Variants in AP4S1 observed in about 807,000 individuals in gnomAD.
AP4S1 encodes adaptor related protein complex 4 subunit sigma 1.
A neutral mutation model predicts 19.8 loss-of-function variants in AP4S1; 23 were observed. That is an observed-to-expected ratio of 1.16 (90% CI 0.84 to 1.65). The LOEUF (loss-of-function observed/expected upper bound fraction) is 1.65. Ranked by LOEUF, AP4S1 falls within the 40% of genes most tolerant of loss-of-function variation. The probability of loss-of-function intolerance (pLI) is 0.00; values close to 1 mark genes in which losing one functional copy is unlikely to be tolerated. For missense variants in AP4S1, 166 were observed against 172.8 expected (o/e 0.96, Z 0.22); for synonymous variants, 46 against 54.1 (o/e 0.85, Z 0.66).
intron 1 of AP4S1, among the ~76,000 whole-genome samples, chr14:31,059,013 TTGA>T (rs1886287331): frequency 6.6e-6 from 1 of 152,298 alleles, no homozygotes; most frequent in African/African-American, 2.4e-5. Flanking sequence ...TCCCTCCTCC[TTGA>T]TGATTAATAA....
chr14:31,026,345 T>A, intron 1 of AP4S1: 1 of 450,778 alleles, frequency 2.2e-6, no homozygotes, highest in Non-Finnish European at 3.2e-6. Context: ...AGCAGGGAGC[T>A]GCCGGCTGCC....
At chr14:31,034,609 A>ATT (rs5807612) in intron 1 of AP4S1, among the ~76,000 whole-genome samples, 170 of 103,914 alleles carry the variant, frequency 1.6e-3, no homozygotes, top group East Asian at 7.2e-3. Flanking sequence ...TTTGTACTTA[A>ATT]TTTTTTTTTT....
At chr14:31,035,952 G>C (rs536765560) in intron 1 of AP4S1, among the ~76,000 whole-genome samples, 3 of 151,872 alleles carry the variant, frequency 2.0e-5, no homozygotes, top group African/African-American at 7.3e-5. Flanking sequence ...GGATGGTCTC[G>C]ATATCCTGAC....
chr14:31,075,639 T>C (rs530221589), intron 4 of AP4S1, among the ~76,000 whole-genome samples: 1 of 152,328 alleles, frequency 6.6e-6, no homozygotes, highest in Admixed American at 6.5e-5. Flanking sequence ...GCTTCTTTCA[T>C]TGAGTGTAGT....
At chr14:31,061,340 C>T (rs1886427614) in intron 1 of AP4S1, among the ~76,000 whole-genome samples, 1 of 152,108 alleles carries the variant, frequency 6.6e-6, no homozygotes, top group South Asian at 2.1e-4. Flanking sequence ...TACCCTTCAA[C>T]AAGCATGGAT....
rs140399020 is a variant in AP4S1 at position 31,076,002 on chromosome 14, C to G, written c.294+3029C>G. ...CCGCCTGCCTCGGCCTCCCAAAGTG[C>G]TGGGATTACAGGCGTGAGCCGTCAC... On this transcript the variant is annotated intron_variant, in intron 4 of 5. Transcript: ENST00000542754. Among the ~76,000 whole-genome samples, 15 of 152,296 alleles carry G rather than the reference C, an allele frequency of 9.8e-5. No homozygotes were observed. The East Asian group carries it at 2.7e-3, about 27-fold the overall frequency.
At chr14:31,036,569 T>TA (rs1313962797) in intron 1 of AP4S1, among the ~76,000 whole-genome samples, 1 of 152,200 alleles carries the variant, frequency 6.6e-6, no homozygotes, top group African/African-American at 2.4e-5. Context: ...AGCTAGCTAT[T>TA]AACATACATA....
At chr14:31,034,613 T>TC (rs1312186041) in intron 1 of AP4S1, among the ~76,000 whole-genome samples, 1 of 142,786 alleles carries the variant, frequency 7.0e-6, no homozygotes, top group East Asian at 2.0e-4. Context: ...TACTTAATTT[T>TC]TTTTTTTTTT....
rs933563111 is a variant in AP4S1, at chr14:31,053,598, T to C, written c.-71-12528T>C. Among the ~76,000 whole-genome samples, 95 of 128,484 alleles carry C rather than the reference T, an allele frequency of 7.4e-4. No homozygotes were observed. In the Middle Eastern group the frequency reaches 0.018, roughly 25 times the overall value. 84.3% of individuals were successfully genotyped at this position (128,484 alleles called of 152,430 possible). On this transcript the variant is annotated intron_variant, in intron 1 of 5. Transcript: ENST00000542754. ...TTTTAGTGACTTTTTTCTTTTTTTT[T>C]TTTTTTTTTTTTTTTTTTTTGTAGA...
In AP4S1 at chr14:31,025,797, G is replaced by C; in HGVS notation, c.-72+10G>C. On this transcript the variant is annotated intron_variant, in intron 1 of 5. Transcript: ENST00000542754. ...AACCTGAGCAGCACAGGTAGGTTCC[G>C]CTCGGCCTCCCAAGGCGCCGGCTCC... 1.4e-6 allele frequency: 2 copies of C among 1,469,340 alleles called. No homozygotes were observed. The highest frequency in any genetic ancestry group is 1.8e-6 in the Non-Finnish European group (2 of 1,099,242). 91.0% of individuals were successfully genotyped at this position (1,469,340 alleles called of 1,614,324 possible).
chr14:31,065,311 T>C (rs1207758479), intron 1 of AP4S1, among the ~76,000 whole-genome samples: 2 of 152,208 alleles, frequency 1.3e-5, no homozygotes, highest in African/African-American at 4.8e-5. Context: ...CTTCACGACC[T>C]CACATCAGTG....
chr14:31,091,812 G>A (rs2139128911), intron 5 of AP4S1, among the ~76,000 whole-genome samples: 1 of 152,278 alleles, frequency 6.6e-6, no homozygotes, highest in African/African-American at 2.4e-5. Flanking sequence ...TTACCTATTT[G>A]TTGAATGAAG....
At position 31,094,488 on chromosome 14, in the gene AP4S1, C is replaced by G. The variant is rs1432842443; in HGVS notation, c.*1453C>G. On this transcript the variant is annotated 3_prime_UTR_variant, in exon 6 of 6. Transcript: ENST00000542754. ...GCACATACCTGTAGTCTCAACTACT[C>G]GGGAGTCTGAGGCAGAAGATTTCTT... 1 of 152,042 alleles carries G rather than the reference C, an allele frequency of 6.6e-6. No individual in the cohort carries two copies. Among genetic ancestry groups the G allele is most frequent in the African/African-American group, 2.4e-5 (1 of 41,274 alleles). The allele number at this position is 152,042 out of a possible 1,614,324, so 9.4% of individuals were successfully genotyped here.
At chr14:31,064,711 C>T in intron 1 of AP4S1, among the ~76,000 whole-genome samples, 1 of 152,180 alleles carries the variant, frequency 6.6e-6, no homozygotes, top group Non-Finnish European at 1.5e-5. Context: ...AATCCCAACA[C>T]TTTGGGAGGC....
chr14:31,038,758 T>C (rs1267534517), intron 1 of AP4S1, among the ~76,000 whole-genome samples: 1 of 152,148 alleles, frequency 6.6e-6, no homozygotes. Context: ...GGGGATTAAA[T>C]AGATATAGTT....
chr14:31,056,587 G>A (rs1008390838), intron 1 of AP4S1, among the ~76,000 whole-genome samples: 14 of 152,240 alleles, frequency 9.2e-5, no homozygotes, highest in African/African-American at 2.6e-4. Context: ...TCGAACTCCT[G>A]ACCTCAGGTT....
At chr14:31,082,769 G>A (rs906212409) in intron 5 of AP4S1, among the ~76,000 whole-genome samples, 23 of 152,070 alleles carry the variant, frequency 1.5e-4, no homozygotes, top group Admixed American at 2.0e-4. Context: ...GGTGGCGGGC[G>A]CCTGTAGTCC....
intron 5 of AP4S1, among the ~76,000 whole-genome samples, chr14:31,091,981 A>C (rs1888089706): frequency 6.6e-6 from 1 of 152,208 alleles, no homozygotes; most frequent in African/African-American, 2.4e-5. Context: ...AAGAAAAGTT[A>C]GGTATTCAGT....
At chr14:31,090,819 G>A (rs1300656398) in intron 5 of AP4S1, among the ~76,000 whole-genome samples, 1 of 152,236 alleles carries the variant, frequency 6.6e-6, no homozygotes, top group East Asian at 1.9e-4. Context: ...CAAGATTCCA[G>A]GGGGAAATCA....
Sources: gnomAD v4.1 joint callset for allele counts (sites outside exome capture counted in the v4.1 genomes callset) on GRCh38, gnomAD v4.1.1 for gene constraint, MANE v1.5 for transcripts, NCBI Gene and HGNC (gene_info 2026-07-23, HGNC 2026-07-21) for gene names.